Variants in OPCML observed in about 807,000 individuals in gnomAD.
The protein encoded by OPCML is opioid binding protein/cell adhesion molecule like.
In OPCML, 13 loss-of-function variants were observed where a neutral mutation model predicts 37.8. The observed-to-expected ratio is 0.34, with a 90% CI of 0.22 to 0.55. The LOEUF (loss-of-function observed/expected upper bound fraction) is 0.55. OPCML is among the 20% of genes least tolerant of loss of function. OPCML has a pLI of 0.91. For synonymous variants in OPCML, 176 were observed against 168.8 expected (o/e 1.04, Z -0.33); for missense variants, 341 against 435.6 (o/e 0.78, Z 1.93).
At position 133,251,021 on chromosome 11, in the gene OPCML, G is replaced by A. The variant is rs962215845; in HGVS notation, c.61+281243C>T. Among the ~76,000 whole-genome samples the A allele has an allele frequency of 5.3e-5, 8 of 152,100 alleles. No individual in the cohort carries two copies. The East Asian group carries it at 5.8e-4, about 11-fold the overall frequency. ...CTCCGGCATGCTGAGGGGAGAAGAC[G>A]TTCATTAGAAATCAGAGAAGCCTTT... On this transcript the variant is annotated intron_variant, in intron 1 of 7. Transcript: ENST00000524381.
intron 2 of OPCML, among the ~76,000 whole-genome samples, chr11:132,867,475 G>A (rs1942617533): frequency 6.6e-6 from 1 of 152,206 alleles, no homozygotes; most frequent in African/African-American, 2.4e-5. Context: ...TTTTGGGGCT[G>A]TGAAAGATGA....
chr11:133,015,680 G>A (rs549491472), intron 1 of OPCML, among the ~76,000 whole-genome samples: 1 of 152,160 alleles, frequency 6.6e-6, no homozygotes, highest in Non-Finnish European at 1.5e-5. Context: ...TTGGCATGCA[G>A]TGAAAAATCC....
intron 3 of OPCML, among the ~76,000 whole-genome samples, chr11:132,650,664 C>T (rs1941385476): frequency 6.6e-6 from 1 of 152,038 alleles, no homozygotes; most frequent in Non-Finnish European, 1.5e-5. Context: ...AAATAAATTA[C>T]TCTGAATTCT....
At position 133,140,492 on chromosome 11, in the gene OPCML, G is replaced by A. The variant is rs1256987125; in HGVS notation, c.62-197482C>T. Among the ~76,000 whole-genome samples, 9 of 128,950 alleles carry A rather than the reference G, an allele frequency of 7.0e-5. No homozygotes were observed. In the East Asian group the frequency reaches 2.2e-3, roughly 31 times the overall value. 84.6% of individuals were successfully genotyped at this position (128,950 alleles called of 152,430 possible). ...ATTGCACCACTGCACTCCAGCCTGG[G>A]TGACAAGAGACTCTGTCTCAAAATA... On this transcript the variant is annotated intron_variant, in intron 1 of 7. Coordinates refer to ENST00000524381, the MANE Select transcript of OPCML (RefSeq NM_001012393.5).
intron 1 of OPCML, among the ~76,000 whole-genome samples, chr11:133,437,364 C>G (rs138785752): frequency 6.6e-6 from 1 of 152,130 alleles, no homozygotes; most frequent in East Asian, 1.9e-4. Flanking sequence ...CTGGGCATCA[C>G]CTTTTTGGCT....
intron 2 of OPCML, among the ~76,000 whole-genome samples, chr11:132,661,010 G>T (rs949187157): frequency 1.3e-5 from 2 of 152,088 alleles, no homozygotes; most frequent in African/African-American, 4.8e-5. Context: ...TCAGGTTGAG[G>T]GTGCATAGAA....
intron 2 of OPCML, among the ~76,000 whole-genome samples, chr11:132,909,189 G>C (rs2725465): frequency 0.03 from 4,495 of 152,230 alleles, 93 homozygotes; most frequent in Non-Finnish European, 0.047. Flanking sequence ...ATCTGAGTGG[G>C]ACATTTTTCC....
chr11:133,135,178 G>T (rs1364769734), intron 1 of OPCML, among the ~76,000 whole-genome samples: 1 of 152,140 alleles, frequency 6.6e-6, no homozygotes, highest in Non-Finnish European at 1.5e-5. Context: ...TCATTTGATG[G>T]TATATTATCT....
intron 1 of OPCML, among the ~76,000 whole-genome samples, chr11:133,401,053 A>C (rs561636467): frequency 6.6e-6 from 1 of 152,350 alleles, no homozygotes; most frequent in South Asian, 2.1e-4. Flanking sequence ...GAGTCTACAT[A>C]GCAGCAATTT....
chr11:132,519,722 T>G (rs1322119169), intron 4 of OPCML, among the ~76,000 whole-genome samples: 2 of 152,170 alleles, frequency 1.3e-5, no homozygotes, highest in East Asian at 1.9e-4. Context: ...TGCCCATAAC[T>G]GTTCCACTGA....
At chr11:132,500,680 T>G (rs544952904) in intron 4 of OPCML, among the ~76,000 whole-genome samples, 1 of 152,282 alleles carries the variant, frequency 6.6e-6, no homozygotes, top group East Asian at 1.9e-4. Context: ...CATTAGCTAT[T>G]TGTCCTAATG....
At chr11:132,436,849 A>G in intron 5 of OPCML, 70 bp from the exon 6 acceptor site, 1 of 1,566,028 alleles carries the variant, frequency 6.4e-7, no homozygotes, top group Non-Finnish European at 8.7e-7. Context: ...TTCGTGAAAG[A>G]GATGAAGGGC....
chr11:132,710,018 C>T (rs896705469), intron 2 of OPCML, among the ~76,000 whole-genome samples: 6 of 152,134 alleles, frequency 3.9e-5, no homozygotes, highest in Admixed American at 3.3e-4. Context: ...ATCTGTAATA[C>T]AGTTGGTAAT....
intron 1 of OPCML, among the ~76,000 whole-genome samples, chr11:133,073,153 T>C (rs1948566091): frequency 6.6e-6 from 1 of 152,192 alleles, no homozygotes; most frequent in Admixed American, 6.5e-5. Flanking sequence ...CCTCCATTTC[T>C]GCTTCCCCCA....
intron 3 of OPCML, among the ~76,000 whole-genome samples, chr11:132,636,117 C>T (rs905194547): frequency 1.3e-5 from 2 of 152,122 alleles, no homozygotes; most frequent in Non-Finnish European, 2.9e-5. Flanking sequence ...TTGCTGTATT[C>T]AGATTTTTAG....
At chr11:132,994,272 G>A (rs1397020684) in intron 1 of OPCML, among the ~76,000 whole-genome samples, 1 of 152,188 alleles carries the variant, frequency 6.6e-6, no homozygotes, top group East Asian at 1.9e-4. Flanking sequence ...TTTACGGCCG[G>A]AACTCGGGCT....
intron 2 of OPCML, among the ~76,000 whole-genome samples, chr11:132,839,612 G>C (rs766041580): frequency 2.2e-4 from 33 of 152,116 alleles, no homozygotes; most frequent in Admixed American, 5.2e-4. Context: ...AGTCTCCAGG[G>C]CTGACCCACC....
At chr11:132,816,212 TAGACA>T (rs757251379) in intron 2 of OPCML, among the ~76,000 whole-genome samples, 53 of 152,316 alleles carry the variant, frequency 3.5e-4, no homozygotes, top group Admixed American at 2.6e-3. Flanking sequence ...AACATGATCA[TAGACA>T]AGCAGTCTCT....
At chr11:132,422,428 C>T (rs1019327378) in intron 7 of OPCML, among the ~76,000 whole-genome samples, 2 of 152,084 alleles carry the variant, frequency 1.3e-5, no homozygotes, top group South Asian at 2.1e-4. Context: ...CAGTTGCCAT[C>T]GGATGCTTGG....
Sources: allele counts gnomAD v4.1 joint callset (sites outside exome capture counted in the v4.1 genomes callset), GRCh38; gene constraint gnomAD v4.1.1; transcripts MANE v1.5; gene names NCBI Gene and HGNC (gene_info 2026-07-23, HGNC 2026-07-21).